Variants in TKTL1 observed in about 807,000 individuals in gnomAD.
TKTL1 encodes transketolase-like protein 1.
Under a neutral mutation model 39.3 loss-of-function variants are expected in TKTL1, and 1 was observed. That is an observed-to-expected ratio of 0.03 (90% confidence interval 0.01 to 0.12). The LOEUF (loss-of-function observed/expected upper bound fraction) is 0.12, where lower values mean the gene tolerates loss of function less well. Ranked by LOEUF, TKTL1 falls within the 10% of genes least tolerant of loss-of-function variation. The probability of loss-of-function intolerance (pLI) is 1.00; values close to 1 mark genes in which losing one functional copy is unlikely to be tolerated. For synonymous variants in TKTL1, 262 were observed against 193.8 expected (o/e 1.35, Z -2.92); for missense variants, 575 against 509.6 (o/e 1.13, Z -1.24).
At position 154,325,301 on chromosome X, in the gene TKTL1, G is replaced by C. The variant is rs782796011; in HGVS notation, c.1318-38G>C. 2.1e-5 allele frequency: 24 copies of C among 1,154,437 alleles called. No homozygotes were observed. The Admixed American group carries it at 2.6e-4, about 13-fold the overall frequency. ...CAACGTCTGTTGTTGGAAATTCATT[G>C]TTTGCTTTTCTAAACCATGGCTCCA... On this transcript the variant is annotated intron_variant, in intron 9 of 12. Coordinates refer to ENST00000369915, the MANE Select transcript of TKTL1 (RefSeq NM_012253.4).
At chrX:154,296,383 C>T (rs1268342396) in intron 1 of TKTL1, among the ~76,000 whole-genome samples, 1 of 111,359 alleles carries the variant, frequency 9.0e-6, no homozygotes, top group Non-Finnish European at 1.9e-5. Flanking sequence ...AGCAGGGCTT[C>T]CCTGGTAAGC....
Position 154,298,357 on chromosome X carries a change from C to T in TKTL1, c.134+2364C>T, listed in dbSNP as rs782698272. Among the ~76,000 whole-genome samples, 6 of 111,631 alleles carry T rather than the reference C, an allele frequency of 5.4e-5. No homozygotes were observed. The South Asian group carries it at 1.8e-3, about 34-fold the overall frequency. On this transcript the variant is annotated intron_variant, in intron 1 of 12. Coordinates refer to ENST00000369915, the MANE Select transcript of TKTL1 (RefSeq NM_012253.4). ...TCAGCCTCTTGAGTAGCTGGAACTA[C>T]AGGTGCACACCACCATGCCCTGCCC...
At chrX:154,313,411 C>G (rs1270994670) in intron 6 of TKTL1, among the ~76,000 whole-genome samples, 2 of 111,831 alleles carry the variant, frequency 1.8e-5, no homozygotes, top group Admixed American at 1.9e-4. Flanking sequence ...CCTTTACATC[C>G]TGCCTTCTGG....
chrX:154,302,020 C>T (rs2067277663), intron 1 of TKTL1, among the ~76,000 whole-genome samples: 1 of 110,021 alleles, frequency 9.1e-6, no homozygotes. Flanking sequence ...TTGGTTTCCT[C>T]GCTGTTTGCC....
In TKTL1 at chrX:154,325,342, A is replaced by G. The variant is rs936805186; in HGVS notation, c.1321A>G (p.Met441Val). 3.3e-6 allele frequency: 4 copies of G among 1,208,064 alleles called. No homozygotes were observed. In the African/African-American group the frequency reaches 7.0e-5, roughly 21 times the overall value. Residue 441 changes from methionine (M) to valine (V), a missense_variant, in exon 10 of 13, where the codon ATG becomes GTG. Physicochemically the swap from Met to Val is conservative, Grantham distance 21 (BLOSUM62 1). Coordinates refer to ENST00000369915, the MANE Select transcript of TKTL1 (RefSeq NM_012253.4). ...AVALAANAKG[M>V]CFIRTTRPET... ...CATGGCTCCATTTATGCCCTAGGGG[A>G]TGTGCTTCATTCGGACCACCCGACC...
At chrX:154,303,568 C>G (rs1419228553) in intron 1 of TKTL1, among the ~76,000 whole-genome samples, 3 of 104,388 alleles carry the variant, frequency 2.9e-5, no homozygotes, top group African/African-American at 1.1e-4. Flanking sequence ...CCCTCGTCTT[C>G]CTTGGCTTTC....
chrX:154,311,230 G>T lies in TKTL1; in HGVS notation c.662G>T (p.Gly221Val). ...AVVAKTFKGR[G>V]TPSIEDAESW... Reference sequence around the variant, plus strand: ...GTGGCCAAGACCTTCAAGGGCCGGGGCACCCCAAGTAAGCAAGCACTTTCC... The same window carrying T: ...GTGGCCAAGACCTTCAAGGGCCGGGTCACCCCAAGTAAGCAAGCACTTTCC... Residue 221 changes from glycine to valine, a missense_variant, in exon 5 of 13, where the codon GGC becomes GTC. By Grantham distance (109) the Gly-to-Val change is moderately radical. Transcript: ENST00000369915. 1.7e-6 allele frequency: 2 copies of T among 1,211,698 alleles called. No individual in the cohort carries two copies. The highest frequency in any genetic ancestry group is 2.2e-6 in the Non-Finnish European group (2 of 895,309).
At chrX:154,305,490 G>C (rs1666278513) in intron 2 of TKTL1, 69 bp downstream of exon 2, 2 of 1,129,027 alleles carry the variant, frequency 1.8e-6, no homozygotes, top group African/African-American at 1.8e-5. Context: ...CAGCCACCGT[G>C]TGGGAACAAG....
chrX:154,305,884 A>G (rs1460873872), intron 2 of TKTL1, among the ~76,000 whole-genome samples: 2 of 111,650 alleles, frequency 1.8e-5, no homozygotes, highest in Admixed American at 9.5e-5. Flanking sequence ...GATTGGGCAA[A>G]ATACCAGCCA....
intron 1 of TKTL1, among the ~76,000 whole-genome samples, chrX:154,296,543 C>T (rs1182160546): frequency 9.0e-6 from 1 of 111,120 alleles, no homozygotes; most frequent in Non-Finnish European, 1.9e-5. Context: ...TGGGGGCGCA[C>T]ACCTGCACTC....
At position 154,296,135 on chromosome X, in the gene TKTL1, T is replaced by G. The variant is rs2067225553; in HGVS notation, c.134+142T>G. On this transcript the variant is annotated intron_variant, in intron 1 of 12. Coordinates refer to ENST00000369915, the MANE Select transcript of TKTL1 (RefSeq NM_012253.4). ...GTCGTAATGCCCTGTCTTGGGCTGTTGGGGCCCGGTCGAGCACCCTAGATG... is the reference window on the plus strand; with the variant it reads ...GTCGTAATGCCCTGTCTTGGGCTGTGGGGGCCCGGTCGAGCACCCTAGATG... The G allele has an allele frequency of 3.6e-6, 3 of 831,204 alleles. No individual in the cohort carries two copies. The African/African-American group carries it at 6.2e-5, about 17-fold the overall frequency. The allele number at this position is 831,204 out of a possible 1,213,427, so 68.5% of individuals were successfully genotyped here.
intron 10 of TKTL1, chrX:154,327,083 G>A: frequency 4.6e-6 from 1 of 216,461 alleles, no homozygotes; most frequent in Non-Finnish European, 8.7e-6. Flanking sequence ...TTGCAGAATA[G>A]TACGTTGTCG....
intron 8 of TKTL1, 93 bp from the exon 9 acceptor site, chrX:154,323,114 A>G (rs2067464682): frequency 9.1e-7 from 1 of 1,093,046 alleles, no homozygotes; most frequent in Non-Finnish European, 1.2e-6. Context: ...CCGTGGCAAT[A>G]GGAATAATTG....
chrX:154,323,429 A>G (rs2067468108), intron 9 of TKTL1, 92 bp downstream of exon 9: 1 of 991,419 alleles, frequency 1.0e-6, no homozygotes, highest in Non-Finnish European at 1.4e-6. Context: ...TCTCAACATA[A>G]AAGTGATATT....
intron 8 of TKTL1, among the ~76,000 whole-genome samples, chrX:154,321,298 C>T (rs931717094): frequency 1.8e-5 from 2 of 109,456 alleles, no homozygotes; most frequent in South Asian, 4.0e-4. Context: ...GCACAGCCTG[C>T]TCAGGTGGGA....
chrX:154,326,629 A>G (rs1418399950), intron 10 of TKTL1, among the ~76,000 whole-genome samples: 2 of 112,616 alleles, frequency 1.8e-5, no homozygotes, highest in Non-Finnish European at 3.8e-5. Context: ...ACCAAATGGA[A>G]AAGTTAGTGT....
rs1557172839 is a variant in TKTL1, at chrX:154,329,716, C to G, written c.*28C>G. The G allele has an allele frequency of 1.7e-6, 2 of 1,187,792 alleles. No homozygotes were observed. The highest frequency in any genetic ancestry group is 2.3e-6 in the Non-Finnish European group (2 of 877,554). ...TAGCTGTTAGCTTTGGTCTTTTGGC[C>G]TCTTTACCCTGTGTTTATGTTTGTT... On this transcript the variant is annotated 3_prime_UTR_variant, in exon 13 of 13. Coordinates refer to ENST00000369915, the MANE Select transcript of TKTL1 (RefSeq NM_012253.4).
chrX:154,302,788 A>G (rs1344168439), intron 1 of TKTL1, among the ~76,000 whole-genome samples: 3 of 111,809 alleles, frequency 2.7e-5, no homozygotes, highest in Non-Finnish European at 3.8e-5. Flanking sequence ...TAGTGTCCTT[A>G]TAAGAGAAAG....
chrX:154,304,602 GGTCCCCATTAAGAAAATGGGGGAGGGACA>G (rs2067300481), intron 1 of TKTL1, among the ~76,000 whole-genome samples: 1 of 108,362 alleles, frequency 9.2e-6, no homozygotes, highest in African/African-American at 3.4e-5. Flanking sequence ...TCCCTTCGCG[GGTCCCCATTAAGAAAATGGGGGAGGGACA>G]GTCCCCATTT....
Sources: allele counts gnomAD v4.1 joint callset (sites outside exome capture counted in the v4.1 genomes callset), GRCh38; gene constraint gnomAD v4.1.1; transcripts MANE v1.5; gene names NCBI Gene and HGNC (gene_info 2026-07-23, HGNC 2026-07-21).